The following TSPEAR variants were observed in gnomAD, a reference collection of about 807,000 sequenced individuals.
TSPEAR encodes thrombospondin-type laminin G domain and EAR repeat-containing protein.
TSPEAR carries 69 observed loss-of-function variants against 71.6 expected under a neutral mutation model. That is an observed-to-expected ratio of 0.96 (90% CI 0.79 to 1.18). TSPEAR has a LOEUF of 1.18. Ranked by LOEUF, TSPEAR falls within the 50% of genes most tolerant of loss-of-function variation. TSPEAR has a pLI of 0.00. For synonymous variants in TSPEAR, 402 were observed against 387.2 expected (o/e 1.04, Z -0.45); for missense variants, 971 against 894.9 (o/e 1.09, Z -1.09).
chr21:44,540,276 T>C, intron 2 of TSPEAR: 1 of 1,472,938 alleles, frequency 6.8e-7, no homozygotes, highest in Non-Finnish European at 9.2e-7. Flanking sequence ...TTTATACCCC[T>C]TCTGGCCTTG....
At position 44,506,068 on chromosome 21, in the gene TSPEAR, C is replaced by T; in HGVS notation, c.1755-1187G>A. Among the ~76,000 whole-genome samples the T allele has an allele frequency of 6.6e-6, 1 of 152,216 alleles. No homozygotes were observed. The highest frequency in any genetic ancestry group is 6.5e-5 in the Admixed American group (1 of 15,286). ...TGTGAGGTCAGCGGCCGTGAGGTCA[C>T]TCCAGGAGGTGCCTACAGGACCTGC... On this transcript the variant is annotated intron_variant, in intron 10 of 11. Coordinates refer to ENST00000323084, the MANE Select transcript of TSPEAR (RefSeq NM_144991.3). This position sits in a 1 kb window ranked among gnomAD's most constrained non-coding sequence, Gnocchi z 4.2.
chr21:44,590,532 G>C (rs587618776), intron 1 of TSPEAR, among the ~76,000 whole-genome samples: 1 of 152,184 alleles, frequency 6.6e-6, no homozygotes, highest in Non-Finnish European at 1.5e-5. Context: ...TGAGCAATGG[G>C]TATTCCAGAA....
intron 9 of TSPEAR, chr21:44,516,546 A>G (rs1555913463): frequency 6.6e-6 from 1 of 151,972 alleles, no homozygotes; most frequent in Non-Finnish European, 1.5e-5. Flanking sequence ...ACTAATAAAC[A>G]CCAACACCCG....
intron 1 of TSPEAR, among the ~76,000 whole-genome samples, chr21:44,692,425 A>G (rs1462986198): frequency 1.3e-5 from 2 of 152,306 alleles, no homozygotes; most frequent in East Asian, 1.9e-4. Context: ...AATTATTTCT[A>G]TTCACGGGTG....
chr21:44,680,616 T>C (rs1202728599), intron 1 of TSPEAR, among the ~76,000 whole-genome samples: 1 of 152,206 alleles, frequency 6.6e-6, no homozygotes, highest in Admixed American at 6.5e-5. Context: ...CTATTCACAA[T>C]AGCCAAGATA....
chr21:44,600,852 C>T (rs782489979), intron 1 of TSPEAR: 31 of 1,609,582 alleles, frequency 1.9e-5, no homozygotes, highest in Non-Finnish European at 2.5e-5. Flanking sequence ...CCAGCCCCTG[C>T]CAATCAGGCT....
Position 44,572,270 on chromosome 21 carries a change from G to A in TSPEAR, c.83-4265C>T, listed in dbSNP as rs1011773427. ...AAGTCGAGGAGACCTTTCAGCCAAC[G>A]CCATGTGGGGTCCTGAGCAGGACCC... On this transcript the variant is annotated intron_variant, in intron 1 of 11. Transcript: ENST00000323084. Among the ~76,000 whole-genome samples the A allele has an allele frequency of 1.1e-4, 16 of 152,322 alleles. No individual in the cohort carries two copies. The East Asian group carries it at 1.5e-3, about 15-fold the overall frequency.
At chr21:44,544,887 T>C (rs1555917587) in intron 2 of TSPEAR, among the ~76,000 whole-genome samples, 1 of 152,056 alleles carries the variant, frequency 6.6e-6, no homozygotes, top group Non-Finnish European at 1.5e-5. Flanking sequence ...CAAGAAGATA[T>C]ACCAATTGTA....
At chr21:44,654,285 A>G (rs9984726) in intron 1 of TSPEAR, 1,168,006 of 1,612,970 alleles carry the variant, frequency 0.72, 425,350 homozygotes, top group African/African-American at 0.89. Context: ...CTCAGCAGCC[A>G]GTGGGGGTGC....
intron 1 of TSPEAR, chr21:44,591,527 C>A: frequency 6.2e-7 from 1 of 1,612,492 alleles, no homozygotes; most frequent in Non-Finnish European, 8.5e-7. Flanking sequence ...CAGGAGGGGA[C>A]GGGCACGCAG....
chr21:44,613,975 C>G (rs587710395), intron 1 of TSPEAR, among the ~76,000 whole-genome samples: 14 of 152,270 alleles, frequency 9.2e-5, no homozygotes, highest in African/African-American at 3.4e-4. Flanking sequence ...GGCTCCAGCT[C>G]AGGCCTCTCC....
rs71199618 is a variant in TSPEAR at position 44,689,712 on chromosome 21, A to AATATATATATATATATATATATAT, written c.82+21697_82+21720dup. The stretch of plus-strand genomic sequence containing the variant: ...TCCCTTAGAGGGACAGAATAGAATG[A>AATATATATATATATATATATATAT]ATATATATATATATATATATATATA... On this transcript the variant is annotated intron_variant, in intron 1 of 11. Coordinates refer to ENST00000323084, the MANE Select transcript of TSPEAR (RefSeq NM_144991.3). Among the ~76,000 whole-genome samples, 118 of 62,016 alleles carry AATATATATATATATATATATATAT rather than the reference A, an allele frequency of 1.9e-3. 4 individuals are homozygous for AATATATATATATATATATATATAT. The highest frequency in any genetic ancestry group is 9.0e-3 in the African/African-American group (112 of 12,428). The allele number at this position is 62,016 out of a possible 152,430, so 40.7% of individuals were successfully genotyped here. A position where few individuals can be genotyped will look rare whatever the true frequency, so the allele number is the denominator to read the frequency against.
At chr21:44,586,646 G>A (rs1053297223) in intron 1 of TSPEAR, among the ~76,000 whole-genome samples, 1 of 150,336 alleles carries the variant, frequency 6.7e-6, no homozygotes, top group Admixed American at 6.7e-5. Flanking sequence ...CCAGCCTCAG[G>A]CACCTACTCA....
intron 1 of TSPEAR, among the ~76,000 whole-genome samples, chr21:44,657,121 C>T (rs1213159163): frequency 1.3e-5 from 2 of 152,004 alleles, no homozygotes; most frequent in Non-Finnish European, 2.9e-5. Flanking sequence ...CTCACAGACG[C>T]CCCCCAGACC....
chr21:44,693,032 C>T (rs1452641568), intron 1 of TSPEAR, among the ~76,000 whole-genome samples: 2 of 152,064 alleles, frequency 1.3e-5, no homozygotes, highest in African/African-American at 4.8e-5. Context: ...TAGAATAGAA[C>T]TCAAAGGTCA....
At chr21:44,505,000 A>C (rs1174210981) in intron 10 of TSPEAR, 119 bp from the exon 11 acceptor site, 1 of 704,844 alleles carries the variant, frequency 1.4e-6, no homozygotes, top group African/African-American at 1.8e-5. Flanking sequence ...GTGGGGAGTG[A>C]TTTTCTCACA....
chr21:44,636,743 G>T (rs1983593977), intron 1 of TSPEAR, among the ~76,000 whole-genome samples: 1 of 152,022 alleles, frequency 6.6e-6, no homozygotes, highest in South Asian at 2.1e-4. Context: ...CAGGACACCT[G>T]ACCAGGGCTC....
chr21:44,703,952 G>T (rs2063922824), intron 1 of TSPEAR, among the ~76,000 whole-genome samples: 1 of 152,194 alleles, frequency 6.6e-6, no homozygotes, highest in South Asian at 2.1e-4. Flanking sequence ...GGGGTGCACA[G>T]GGCTGCAATC....
intron 1 of TSPEAR, chr21:44,627,967 TCCTGTGTGTCCCTTCTCTGCCGC>T (rs1440410247): frequency 6.6e-7 from 1 of 1,519,632 alleles, no homozygotes; most frequent in African/African-American, 1.4e-5. Context: ...CCGCCAGGCC[TCCTGTGTGTCCCTTCTCTGCCGC>T]CCTGTGTGCT....
Sources: gnomAD v4.1 joint callset for allele counts (sites outside exome capture counted in the v4.1 genomes callset) on GRCh38, gnomAD v4.1.1 for gene constraint, Gnocchi (gnomAD v3.1) non-coding constraint, MANE v1.5 for transcripts, NCBI Gene and HGNC (gene_info 2026-07-23, HGNC 2026-07-21) for gene names.